Variants in OXCT1 observed in about 807,000 individuals in gnomAD.
OXCT1 encodes succinyl-CoA:3-ketoacid coenzyme A transferase 1, mitochondrial.
In OXCT1, 27 loss-of-function variants were observed where a neutral mutation model predicts 69.6. The observed-to-expected ratio is 0.39, with a 90% CI of 0.29 to 0.54. The LOEUF is 0.54. OXCT1 is among the 20% of genes least tolerant of loss of function. The pLI is 0.72. For synonymous variants in OXCT1, 202 were observed against 217.8 expected, an observed-to-expected ratio of 0.93 and a Z score of 0.64; for missense variants, 437 against 650.2, an observed-to-expected ratio of 0.67 and a Z score of 3.57.
chr5:41,843,746 T>C lies in OXCT1; in HGVS notation c.565-965A>G, dbSNP rs1434469598. ...AAGTGCGTTTTACAAAAAGCTGCTA[T>C]AGAAAATAGAAAATTTTGGTACATT... On this transcript the variant is annotated intron_variant, in intron 5 of 16. Transcript: ENST00000196371. 9.4e-5 allele frequency: 27 copies of C among 287,218 alleles called. 1 individual carries two copies. Among genetic ancestry groups the C allele is most frequent in the Middle Eastern group, 8.4e-4 (2 of 2,374 alleles). The allele number at this position is 287,218 out of a possible 1,614,324, so 17.8% of individuals were successfully genotyped here.
intron 7 of OXCT1, among the ~76,000 whole-genome samples, chr5:41,823,966 C>T (rs1008433269): frequency 6.6e-6 from 1 of 152,118 alleles, no homozygotes; most frequent in Non-Finnish European, 1.5e-5. Flanking sequence ...CCTGGGGCTA[C>T]ACTAAGTTAA....
intron 13 of OXCT1, among the ~76,000 whole-genome samples, chr5:41,788,439 T>C (rs1745756542): frequency 6.6e-6 from 1 of 152,134 alleles, no homozygotes; most frequent in South Asian, 2.1e-4. Context: ...ACAATCTAAC[T>C]ATATGATTAC....
intron 6 of OXCT1, among the ~76,000 whole-genome samples, chr5:41,841,424 G>A (rs2112403424): frequency 6.6e-6 from 1 of 152,270 alleles, no homozygotes; most frequent in Non-Finnish European, 1.5e-5. Flanking sequence ...AGAATGGTCA[G>A]AGGCAAAGGA....
chr5:41,849,103 C>G (rs528460552), intron 5 of OXCT1, among the ~76,000 whole-genome samples: 1 of 152,288 alleles, frequency 6.6e-6, no homozygotes, highest in East Asian at 1.9e-4. Context: ...ACATAGATCA[C>G]TCTCAACAGA....
At chr5:41,805,490 A>T in intron 9 of OXCT1, 77 bp downstream of exon 9, 1 of 930,316 alleles carries the variant, frequency 1.1e-6, no homozygotes, top group Admixed American at 1.7e-5. Flanking sequence ...CTCACTATGC[A>T]AGAGGTCTAA....
At chr5:41,855,752 A>G (rs1749398965) in intron 3 of OXCT1, among the ~76,000 whole-genome samples, 1 of 152,242 alleles carries the variant, frequency 6.6e-6, no homozygotes, top group South Asian at 2.1e-4. Context: ...GTAACCTATA[A>G]TTACAACAGA....
At chr5:41,764,685 T>C (rs1014987908) in intron 13 of OXCT1, among the ~76,000 whole-genome samples, 1 of 152,168 alleles carries the variant, frequency 6.6e-6, no homozygotes, top group Non-Finnish European at 1.5e-5. Context: ...GCCTTCCCTC[T>C]TTCTCTTCTT....
intron 13 of OXCT1, among the ~76,000 whole-genome samples, chr5:41,773,412 GAAA>G (rs1412077994): frequency 8.8e-6 from 1 of 113,320 alleles, no homozygotes; most frequent in Non-Finnish European, 1.9e-5. Context: ...CTGTCTCTAC[GAAA>G]AAAAAAAAAA....
At chr5:41,869,684 C>G (rs958997922) in intron 1 of OXCT1, among the ~76,000 whole-genome samples, 20 of 152,268 alleles carry the variant, frequency 1.3e-4, no homozygotes, top group African/African-American at 4.8e-4. Flanking sequence ...GACGCCCTGG[C>G]GAGCGCTCCA....
At chr5:41,818,720 G>T (rs2112322103) in intron 7 of OXCT1, among the ~76,000 whole-genome samples, 1 of 152,148 alleles carries the variant, frequency 6.6e-6, no homozygotes, top group East Asian at 1.9e-4. Flanking sequence ...ATATTAGGAG[G>T]CTGCCATATG....
At chr5:41,747,141 A>C (rs1486510298) in intron 15 of OXCT1, among the ~76,000 whole-genome samples, 1 of 152,034 alleles carries the variant, frequency 6.6e-6, no homozygotes, top group Non-Finnish European at 1.5e-5. Context: ...TGCCTTCCTT[A>C]TAAGACCCAC....
At chr5:41,861,108 C>T (rs1052102862) in intron 3 of OXCT1, among the ~76,000 whole-genome samples, 8 of 152,010 alleles carry the variant, frequency 5.3e-5, no homozygotes, top group Non-Finnish European at 1.2e-4. Context: ...CTAGATGAAG[C>T]AAGTCTGCTT....
At chr5:41,760,018 CT>C (rs1162678234) in intron 14 of OXCT1, among the ~76,000 whole-genome samples, 1 of 152,104 alleles carries the variant, frequency 6.6e-6, no homozygotes, top group South Asian at 2.1e-4. Context: ...AGATTCTTAA[CT>C]GAAGAGATTA....
At chr5:41,740,340 A>G (rs1343163501) in intron 15 of OXCT1, among the ~76,000 whole-genome samples, 1 of 152,238 alleles carries the variant, frequency 6.6e-6, no homozygotes, top group Admixed American at 6.5e-5. Flanking sequence ...GTAACTGTTT[A>G]AAATATTCTC....
At chr5:41,859,900 A>G (rs934101137) in intron 3 of OXCT1, among the ~76,000 whole-genome samples, 4 of 137,660 alleles carry the variant, frequency 2.9e-5, no homozygotes, top group African/African-American at 1.0e-4. Context: ...ATATATATAT[A>G]TATATATACA....
chr5:41,761,863 C>CT (rs1744364730), intron 14 of OXCT1, among the ~76,000 whole-genome samples: 1 of 152,112 alleles, frequency 6.6e-6, no homozygotes, highest in Non-Finnish European at 1.5e-5. Context: ...AAAGCTTTTA[C>CT]TTTTAATAGG....
chr5:41,754,558 TAA>T (rs1275004832), intron 14 of OXCT1, among the ~76,000 whole-genome samples: 1 of 152,006 alleles, frequency 6.6e-6, no homozygotes, highest in African/African-American at 2.4e-5. Context: ...CCACAAAAAT[TAA>T]AAAATTTAAT....
At chr5:41,796,778 G>T (rs1214300964) in intron 11 of OXCT1, among the ~76,000 whole-genome samples, 2 of 152,180 alleles carry the variant, frequency 1.3e-5, no homozygotes, top group Admixed American at 6.5e-5. Context: ...GATTAAATTA[G>T]ATAATGCATA....
At chr5:41,743,746 C>A (rs1272430296) in intron 15 of OXCT1, among the ~76,000 whole-genome samples, 2 of 152,138 alleles carry the variant, frequency 1.3e-5, no homozygotes, top group Non-Finnish European at 2.9e-5. Flanking sequence ...AATCCTTTCC[C>A]CATTGCTTGT....
Sources: gnomAD v4.1 joint callset for allele counts (sites outside exome capture counted in the v4.1 genomes callset) on GRCh38, gnomAD v4.1.1 for gene constraint, MANE v1.5 for transcripts, NCBI Gene and HGNC (gene_info 2026-07-23, HGNC 2026-07-21) for gene names.